The following HNF4G variants were observed in gnomAD, a reference collection of about 807,000 sequenced individuals.
HNF4G encodes hepatocyte nuclear factor 4-gamma.
In HNF4G, 21 loss-of-function variants were observed where a neutral mutation model predicts 50.9. That is an observed-to-expected ratio of 0.41 (90% CI 0.29 to 0.59). The LOEUF is 0.59. Among genes scored for constraint, HNF4G ranks in the 20% least tolerant of loss-of-function variants. HNF4G has a pLI of 0.26. For synonymous variants in HNF4G, 198 were observed against 185.6 expected, an observed-to-expected ratio of 1.07 and a Z score of -0.54; for missense variants, 527 against 559.4, an observed-to-expected ratio of 0.94 and a Z score of 0.58.
At chr8:75,432,206 A>T (rs1337417000) in intron 1 of HNF4G, among the ~76,000 whole-genome samples, 1 of 152,020 alleles carries the variant, frequency 6.6e-6, no homozygotes, top group Non-Finnish European at 1.5e-5. Context: ...TTAAACCATG[A>T]TTGTACCACC....
intron 1 of HNF4G, among the ~76,000 whole-genome samples, chr8:75,426,639 T>TC (rs1445764471): frequency 1.1e-4 from 16 of 152,190 alleles, no homozygotes; most frequent in African/African-American, 3.9e-4. Context: ...CCAGACAATG[T>TC]TTCCATTATT....
intron 1 of HNF4G, among the ~76,000 whole-genome samples, chr8:75,468,693 C>CA (rs375188506): frequency 1.2e-3 from 171 of 142,896 alleles, no homozygotes; most frequent in Middle Eastern, 3.6e-3. Context: ...GACTCCATCT[C>CA]AAAAAAAAAA....
chr8:75,423,901 G>A (rs1157974892), intron 1 of HNF4G, among the ~76,000 whole-genome samples: 1 of 121,784 alleles, frequency 8.2e-6, no homozygotes, highest in African/African-American at 3.2e-5. Context: ...TTGGTGCACT[G>A]CAACCTCAAC....
intron 2 of HNF4G, among the ~76,000 whole-genome samples, chr8:75,510,670 CTA>C (rs1805726933): frequency 6.6e-6 from 1 of 152,124 alleles, no homozygotes; most frequent in African/African-American, 2.4e-5. Context: ...CAGCAATAGA[CTA>C]TAGCATATAG....
intron 2 of HNF4G, among the ~76,000 whole-genome samples, chr8:75,501,864 T>C (rs553493167): frequency 4.9e-5 from 6 of 122,568 alleles, no homozygotes; most frequent in South Asian, 4.7e-4. Context: ...GTATTTTTTT[T>C]TTTTTTGAGA....
intron 1 of HNF4G, among the ~76,000 whole-genome samples, chr8:75,449,041 G>A (rs1169571019): frequency 6.6e-6 from 1 of 152,130 alleles, no homozygotes; most frequent in African/African-American, 2.4e-5. Context: ...TGAAGATCAT[G>A]TTGCTATAAT....
chr8:75,439,200 T>C (rs1262750715), intron 1 of HNF4G, among the ~76,000 whole-genome samples: 1 of 152,094 alleles, frequency 6.6e-6, no homozygotes, highest in African/African-American at 2.4e-5. Flanking sequence ...AATGAAAATA[T>C]AATTATTTTT....
intron 1 of HNF4G, among the ~76,000 whole-genome samples, chr8:75,453,127 C>G (rs1811626250): frequency 6.6e-6 from 1 of 152,204 alleles, no homozygotes; most frequent in Non-Finnish European, 1.5e-5. Context: ...TGTTTCAGGA[C>G]AGTAGGCATA....
chr8:75,515,137 T>G (rs1805856559), intron 2 of HNF4G, among the ~76,000 whole-genome samples: 1 of 152,238 alleles, frequency 6.6e-6, no homozygotes, highest in Admixed American at 6.5e-5. Context: ...CATTGCTAGT[T>G]AAGCACCCAG....
At chr8:75,547,522 G>T (rs1806821516) in intron 2 of HNF4G, 65 bp from the exon 3 acceptor site, 1 of 1,117,692 alleles carries the variant, frequency 8.9e-7, no homozygotes, top group South Asian at 1.3e-5. Flanking sequence ...AAATCCATTT[G>T]TCTGTTTATT....
intron 1 of HNF4G, among the ~76,000 whole-genome samples, chr8:75,416,873 C>T (rs938733202): frequency 3.9e-5 from 6 of 152,196 alleles, no homozygotes; most frequent in Admixed American, 2.6e-4. Context: ...TTCAAGCCTG[C>T]AGCTTTGAGC....
chr8:75,459,201 T>G lies in HNF4G; in HGVS notation c.-143-30888T>G, dbSNP rs553502841. ...ACTAGCTAGGTAAATAACACTTATA[T>G]AAAATTTAATAGAATGTTAGCTAAA... On this transcript the variant is annotated intron_variant, in intron 1 of 10. Transcript: ENST00000354370. Among the ~76,000 whole-genome samples, 4 of 152,292 alleles carry G rather than the reference T, an allele frequency of 2.6e-5. No homozygotes were observed. In the East Asian group the frequency reaches 7.7e-4, roughly 29 times the overall value.
chr8:75,489,931 C>CA (rs1185656339), intron 1 of HNF4G, among the ~76,000 whole-genome samples: 3 of 152,166 alleles, frequency 2.0e-5, no homozygotes, highest in African/African-American at 4.8e-5. Context: ...TAAACCATTC[C>CA]AAAATCACAT....
At chr8:75,535,990 T>C (rs775130743), upstream of HNF4G, among the ~76,000 whole-genome samples, 1 of 151,916 alleles carries the variant, frequency 6.6e-6, no homozygotes, top group Admixed American at 6.6e-5. Context: ...GGGAGAAACA[T>C]TTTTCAAGAC....
At chr8:75,488,884 T>A (rs1812556170) in intron 1 of HNF4G, among the ~76,000 whole-genome samples, 2 of 152,262 alleles carry the variant, frequency 1.3e-5, no homozygotes, top group East Asian at 3.9e-4. Flanking sequence ...AGAAAACACT[T>A]CAGGAGTTTG....
intron 2 of HNF4G, among the ~76,000 whole-genome samples, chr8:75,520,085 A>G (rs1382016717): frequency 6.6e-6 from 1 of 151,664 alleles, no homozygotes; most frequent in Non-Finnish European, 1.5e-5. Context: ...ATTTTTTTAC[A>G]TCTACCTTAG....
chr8:75,453,390 G>A (rs1202744399), intron 1 of HNF4G, among the ~76,000 whole-genome samples: 3 of 152,290 alleles, frequency 2.0e-5, no homozygotes, highest in African/African-American at 7.2e-5. Context: ...ACCAATCAGT[G>A]CTCTGTAGCT....
intron 1 of HNF4G, among the ~76,000 whole-genome samples, chr8:75,481,777 T>A (rs192180474): frequency 1.6e-3 from 245 of 152,282 alleles, no homozygotes; most frequent in African/African-American, 5.7e-3. Flanking sequence ...TTCAATGAAA[T>A]TTTTGACATC....
At chr8:75,461,815 TAAAAC>T (rs1811853066) in intron 1 of HNF4G, among the ~76,000 whole-genome samples, 1 of 150,824 alleles carries the variant, frequency 6.6e-6, no homozygotes. Flanking sequence ...TTGCTAATAA[TAAAAC>T]AGGACAATCA....
Sources: allele counts gnomAD v4.1 joint callset (sites outside exome capture counted in the v4.1 genomes callset), GRCh38; gene constraint gnomAD v4.1.1; transcripts MANE v1.5; gene names NCBI Gene and HGNC (gene_info 2026-07-23, HGNC 2026-07-21).